SLIT3: variants seen among roughly 807,000 people sequenced by gnomAD.
SLIT3 encodes the protein slit guidance ligand 3, also known as slit homolog 3 protein.
In SLIT3, 68 loss-of-function variants were observed where a neutral mutation model predicts 184.0. The ratio of observed to expected loss-of-function variants is 0.37; its 90% CI spans 0.30 to 0.45. SLIT3 has a LOEUF of 0.45. Ranked by LOEUF, SLIT3 falls within the 20% of genes least tolerant of loss-of-function variation. SLIT3 has a pLI of 1.00. For missense variants in SLIT3, 1,707 were observed against 2,026.0 expected (o/e 0.84, Z 3.02); for synonymous variants, 831 against 828.6 (o/e 1.00, Z -0.05).
At chr5:168,705,990 A>G (rs749021135) in intron 26 of SLIT3, among the ~76,000 whole-genome samples, 1 of 152,246 alleles carries the variant, frequency 6.6e-6, no homozygotes, top group Admixed American at 6.5e-5. Context: ...TGATGATTCA[A>G]AAGAGAACTA....
Position 168,685,936 on chromosome 5 carries a change from C to T in SLIT3, c.3315-9G>A. The T allele has an allele frequency of 6.3e-7, 1 of 1,599,808 alleles. No individual in the cohort carries two copies. Among genetic ancestry groups the T allele is most frequent in the Non-Finnish European group, 8.5e-7 (1 of 1,171,782 alleles). On this transcript the variant is annotated splice_polypyrimidine_tract_variant and intron_variant, in intron 30 of 35. Coordinates refer to ENST00000519560, the MANE Select transcript of SLIT3 (RefSeq NM_003062.4). ...GTTCACAGAAGGGTCCACTGGAAGGCAGGAGAGAATGGGGAGGGAGATAGG... is the reference window on the plus strand; with the variant it reads ...GTTCACAGAAGGGTCCACTGGAAGGTAGGAGAGAATGGGGAGGGAGATAGG...
At chr5:169,262,316 T>C (rs1324072498) in intron 1 of SLIT3, among the ~76,000 whole-genome samples, 1 of 152,176 alleles carries the variant, frequency 6.6e-6, no homozygotes, top group Non-Finnish European at 1.5e-5. Context: ...AAAGATATGG[T>C]GAGAGGCAGT....
intron 4 of SLIT3, among the ~76,000 whole-genome samples, chr5:169,160,215 A>G (rs897280593): frequency 6.6e-6 from 1 of 152,162 alleles, no homozygotes; most frequent in Admixed American, 6.5e-5. Flanking sequence ...CCATTCAGAG[A>G]GATTATTTTA....
Position 168,964,459 on chromosome 5 carries a change from C to T in SLIT3, c.414-81123G>A, listed in dbSNP as rs569083435. Among the ~76,000 whole-genome samples the T allele has an allele frequency of 2.6e-5, 4 of 152,224 alleles. No individual in the cohort carries two copies. In the South Asian group the frequency reaches 6.2e-4, roughly 24 times the overall value. On this transcript the variant is annotated intron_variant, in intron 4 of 35. Transcript: ENST00000519560. ...CATAGTTTTACGTATTATTGGCCAA[C>T]AAAACATACAAAGAGAGATTAGGAG...
intron 9 of SLIT3, among the ~76,000 whole-genome samples, chr5:168,804,491 T>C (rs1169733724): frequency 6.6e-6 from 1 of 151,884 alleles, no homozygotes; most frequent in African/African-American, 2.4e-5. Context: ...GTAGATTCCG[T>C]AGAGGGAGCG....
chr5:169,133,311 C>T (rs1308062322), intron 4 of SLIT3, among the ~76,000 whole-genome samples: 1 of 152,234 alleles, frequency 6.6e-6, no homozygotes, highest in Non-Finnish European at 1.5e-5. Flanking sequence ...GGACATGCCA[C>T]AGCTGTGGTT....
chr5:169,261,114 C>T (rs948446618), intron 1 of SLIT3, among the ~76,000 whole-genome samples: 1 of 152,232 alleles, frequency 6.6e-6, no homozygotes, highest in African/African-American at 2.4e-5. Context: ...CGTTTATAGA[C>T]TCCTGCTCTC....
At chr5:169,036,717 G>T (rs1477224307) in intron 4 of SLIT3, among the ~76,000 whole-genome samples, 2 of 152,136 alleles carry the variant, frequency 1.3e-5, no homozygotes, top group African/African-American at 4.8e-5. Context: ...TTATGTAAAT[G>T]AGAATTGACA....
At chr5:169,154,850 T>C (rs1432711092) in intron 4 of SLIT3, among the ~76,000 whole-genome samples, 1 of 152,232 alleles carries the variant, frequency 6.6e-6, no homozygotes, top group African/African-American at 2.4e-5. Context: ...AAAATAAGCA[T>C]GATCAGCAGA....
intron 10 of SLIT3, chr5:168,791,098 C>T (rs1756347955): frequency 6.6e-6 from 1 of 152,244 alleles, no homozygotes; most frequent in Admixed American, 6.5e-5. Flanking sequence ...CAAGCAAATA[C>T]TCTGGATTAT....
chr5:168,916,882 G>A (rs985324735), intron 4 of SLIT3, among the ~76,000 whole-genome samples: 12 of 151,912 alleles, frequency 7.9e-5, no homozygotes, highest in African/African-American at 2.4e-4. Flanking sequence ...AGATTGACTC[G>A]GGGCTGGCTA....
At chr5:168,921,884 AAGCTCATTTAATTATG>A (rs36232269) in intron 4 of SLIT3, among the ~76,000 whole-genome samples, 3,387 of 150,042 alleles carry the variant, frequency 0.023, 74 homozygotes, top group African/African-American at 0.055. Flanking sequence ...ACACTGGTCT[AAGCTCATTTAATTATG>A]AGCTCATTTA....
intron 1 of SLIT3, among the ~76,000 whole-genome samples, chr5:169,290,705 C>T (rs1287876304): frequency 3.5e-5 from 5 of 144,050 alleles, no homozygotes; most frequent in South Asian, 2.3e-4. Context: ...CACTAGGGCA[C>T]GCACTAGGGC....
At chr5:168,696,537 C>T in intron 27 of SLIT3, 106 bp from the exon 28 acceptor site, 1 of 1,371,548 alleles carries the variant, frequency 7.3e-7, no homozygotes, top group South Asian at 1.3e-5. Context: ...TTAGTTTTTC[C>T]TCCAGATGGA....
chr5:169,037,415 T>G (rs769474550), intron 4 of SLIT3, among the ~76,000 whole-genome samples: 1 of 152,148 alleles, frequency 6.6e-6, no homozygotes, highest in Non-Finnish European at 1.5e-5. Flanking sequence ...GAAAGCTACT[T>G]TCAGGCTTGG....
intron 4 of SLIT3, chr5:169,026,270 C>T (rs567003477): frequency 6.6e-6 from 1 of 152,308 alleles, no homozygotes; most frequent in Admixed American, 6.5e-5. Context: ...TGTAAGAAGG[C>T]TTCCTGAAAT....
intron 4 of SLIT3, among the ~76,000 whole-genome samples, chr5:168,983,802 C>G (rs528141956): frequency 9.2e-5 from 14 of 152,266 alleles, no homozygotes; most frequent in Non-Finnish European, 1.5e-4. Flanking sequence ...GAAATCACAG[C>G]AAATTCTTCC....
At chr5:169,112,980 A>C (rs930436361) in intron 4 of SLIT3, among the ~76,000 whole-genome samples, 2 of 152,110 alleles carry the variant, frequency 1.3e-5, no homozygotes, top group Non-Finnish European at 2.9e-5. Context: ...ACCATCACTC[A>C]TCAGCACCTA....
intron 4 of SLIT3, among the ~76,000 whole-genome samples, chr5:169,035,225 T>C (rs1420737759): frequency 6.6e-6 from 1 of 152,160 alleles, no homozygotes; most frequent in Non-Finnish European, 1.5e-5. Flanking sequence ...CAATCACTGT[T>C]ATGTTATCCA....
Sources: gnomAD v4.1 joint callset for allele counts (sites outside exome capture counted in the v4.1 genomes callset) on GRCh38, gnomAD v4.1.1 for gene constraint, MANE v1.5 for transcripts, NCBI Gene and HGNC (gene_info 2026-07-23, HGNC 2026-07-21) for gene names.